Variants in ARHGEF9 observed in about 807,000 individuals in gnomAD.
ARHGEF9 encodes the protein Cdc42 guanine nucleotide exchange factor 9.
ARHGEF9 carries 2 observed loss-of-function variants against 41.3 expected under a neutral mutation model. The ratio of observed to expected loss-of-function variants is 0.05; its 90% CI spans 0.02 to 0.15. The LOEUF is 0.15. Among genes scored for constraint, ARHGEF9 ranks in the 10% least tolerant of loss-of-function variants. The pLI is 1.00. For synonymous variants in ARHGEF9, 160 were observed against 154.4 expected (o/e 1.04, Z -0.27); for missense variants, 225 against 424.7 (o/e 0.53, Z 4.13).
intron 1 of ARHGEF9, chrX:63,731,942 A>G (rs2054326829): frequency 9.0e-6 from 1 of 111,551 alleles, no homozygotes; most frequent in Non-Finnish European, 1.9e-5. Flanking sequence ...CTGGTATTCT[A>G]CTGAGGCTAA....
At chrX:63,694,954 A>T (rs1556386035) in intron 4 of ARHGEF9, among the ~76,000 whole-genome samples, 1 of 112,831 alleles carries the variant, frequency 8.9e-6, no homozygotes, top group East Asian at 2.8e-4. Flanking sequence ...ACATTAAAAG[A>T]GATAACACAC....
chrX:63,686,183 G>T (rs2147378699), intron 4 of ARHGEF9, among the ~76,000 whole-genome samples: 1 of 112,053 alleles, frequency 8.9e-6, no homozygotes. Flanking sequence ...ATAGTATTCA[G>T]CCATAAAAAG....
chrX:63,751,811 C>T (rs1158490698), intron 1 of ARHGEF9, among the ~76,000 whole-genome samples: 1 of 110,573 alleles, frequency 9.0e-6, no homozygotes, highest in Non-Finnish European at 1.9e-5. Flanking sequence ...ACCACCACAC[C>T]CCGCATCCAC....
intron 1 of ARHGEF9, among the ~76,000 whole-genome samples, chrX:63,730,190 A>G (rs1271734824): frequency 8.9e-6 from 1 of 112,113 alleles, no homozygotes; most frequent in Admixed American, 9.5e-5. Flanking sequence ...AAAGAGTTAT[A>G]AAGGGAAGGA....
At chrX:63,700,231 CAT>C (rs1169874524) in intron 3 of ARHGEF9, among the ~76,000 whole-genome samples, 1 of 111,976 alleles carries the variant, frequency 8.9e-6, no homozygotes, top group African/African-American at 3.2e-5. Context: ...AGCGATGAGA[CAT>C]AAGAATATGG....
At chrX:63,684,507 C>T (rs1556373265) in intron 4 of ARHGEF9, among the ~76,000 whole-genome samples, 2 of 110,854 alleles carry the variant, frequency 1.8e-5, no homozygotes, top group African/African-American at 6.6e-5. Flanking sequence ...ATCAAATTAT[C>T]CAGTAATCCC....
At chrX:63,750,707 G>A (rs1556440038) in intron 1 of ARHGEF9, among the ~76,000 whole-genome samples, 17 of 110,987 alleles carry the variant, frequency 1.5e-4, no homozygotes, top group Admixed American at 9.5e-4. Context: ...TTTCAGGACC[G>A]GCAGAGCTTC....
At chrX:63,684,384 G>T (rs1190757565) in intron 4 of ARHGEF9, among the ~76,000 whole-genome samples, 1 of 111,377 alleles carries the variant, frequency 9.0e-6, no homozygotes, top group African/African-American at 3.3e-5. Flanking sequence ...GTTGACAAGG[G>T]TTTAGAGAAA....
intron 2 of ARHGEF9, among the ~76,000 whole-genome samples, chrX:63,720,832 T>C (rs782360064): frequency 2.7e-5 from 3 of 112,542 alleles, no homozygotes; most frequent in Non-Finnish European, 5.6e-5. Flanking sequence ...AATTCCTCAT[T>C]AACATTTTTT....
At chrX:63,755,840 A>G in intron 1 of ARHGEF9, 2 of 754,214 alleles carry the variant, frequency 2.7e-6, no homozygotes, top group Non-Finnish European at 3.1e-6. Context: ...TTACCTGGTC[A>G]GATTTCCTTT....
intron 4 of ARHGEF9, among the ~76,000 whole-genome samples, chrX:63,691,094 T>C (rs2051316384): frequency 8.9e-6 from 1 of 112,035 alleles, no homozygotes; most frequent in Non-Finnish European, 1.9e-5. Context: ...TGCCCACTTT[T>C]ACCACTTATG....
chrX:63,697,074 A>G lies in ARHGEF9; in HGVS notation c.582+51T>C, dbSNP rs2051804075. On this transcript the variant is annotated intron_variant, in intron 4 of 9. Transcript: ENST00000671741. Reference sequence around the variant, plus strand: ...ACCAGACAGCTCAAACGCTCCTTCCATTGTTTCCTAACACCTCTCAAAACC... The same window carrying G: ...ACCAGACAGCTCAAACGCTCCTTCCGTTGTTTCCTAACACCTCTCAAAACC... 5.1e-6 allele frequency: 6 copies of G among 1,168,463 alleles called. No individual in the cohort carries two copies. In the East Asian group the frequency reaches 1.8e-4, roughly 36 times the overall value.
At chrX:63,775,263 T>C (rs1602750127) in intron 1 of ARHGEF9, among the ~76,000 whole-genome samples, 1 of 112,455 alleles carries the variant, frequency 8.9e-6, no homozygotes, top group African/African-American at 3.2e-5. Flanking sequence ...TGGAAAGCAG[T>C]TTGGAGATTT....
chrX:63,740,325 C>CT (rs1257122090), intron 1 of ARHGEF9, among the ~76,000 whole-genome samples: 7 of 111,827 alleles, frequency 6.3e-5, no homozygotes, highest in South Asian at 3.7e-4. Flanking sequence ...CTCTTGGCTC[C>CT]TTTTTTTTGG....
intron 8 of ARHGEF9, among the ~76,000 whole-genome samples, chrX:63,652,492 A>G (rs73526817): frequency 5.4e-5 from 6 of 111,773 alleles, no homozygotes; most frequent in African/African-American, 1.3e-4. Flanking sequence ...TGTAAATACT[A>G]TATCATTTTA....
At chrX:63,760,935 C>T (rs1226245954) in intron 1 of ARHGEF9, among the ~76,000 whole-genome samples, 1 of 112,023 alleles carries the variant, frequency 8.9e-6, no homozygotes, top group Non-Finnish European at 1.9e-5. Flanking sequence ...CAAAGCCACT[C>T]TTCCAAAGCA....
chrX:63,713,387 T>A (rs782657017), intron 2 of ARHGEF9, among the ~76,000 whole-genome samples: 1 of 109,855 alleles, frequency 9.1e-6, no homozygotes, highest in African/African-American at 3.3e-5. Context: ...CCTATCTGCT[T>A]GAACACAACG....
At chrX:63,775,057 A>T (rs1420435103) in intron 1 of ARHGEF9, among the ~76,000 whole-genome samples, 3 of 112,728 alleles carry the variant, frequency 2.7e-5, no homozygotes, top group African/African-American at 9.7e-5. Flanking sequence ...ACATGTGGCC[A>T]AGAAGCATAT....
intron 1 of ARHGEF9, among the ~76,000 whole-genome samples, chrX:63,774,955 T>C (rs1358732507): frequency 1.8e-5 from 2 of 111,826 alleles, no homozygotes; most frequent in Admixed American, 1.9e-4. Context: ...ACAAGGAACT[T>C]ATACAAATCA....
Sources: allele counts gnomAD v4.1 joint callset (sites outside exome capture counted in the v4.1 genomes callset), GRCh38; gene constraint gnomAD v4.1.1; transcripts MANE v1.5; gene names NCBI Gene and HGNC (gene_info 2026-07-23, HGNC 2026-07-21).